ATP11C: variants seen among roughly 807,000 people sequenced by gnomAD.
ATP11C encodes phospholipid-transporting ATPase IG.
A neutral mutation model predicts 97.4 loss-of-function variants in ATP11C; 36 were observed. That is an observed-to-expected ratio of 0.37 (90% CI 0.28 to 0.49). The LOEUF (loss-of-function observed/expected upper bound fraction) is 0.49. ATP11C is among the 20% of genes least tolerant of loss of function. The pLI, the probability that ATP11C is intolerant of heterozygous loss-of-function variation, is 0.98. For missense variants in ATP11C, 730 were observed against 824.6 expected (o/e 0.89, Z 1.40); for synonymous variants, 275 against 290.9 (o/e 0.95, Z 0.56).
intron 23 of ATP11C, among the ~76,000 whole-genome samples, chrX:139,751,209 G>T (rs2081807795): frequency 8.9e-6 from 1 of 111,741 alleles, no homozygotes; most frequent in East Asian, 2.8e-4. Context: ...CAAGTACTAG[G>T]GACAGAGACG....
chrX:139,825,162 C>T (rs975252592), intron 2 of ATP11C, among the ~76,000 whole-genome samples: 16 of 110,777 alleles, frequency 1.4e-4, no homozygotes, highest in African/African-American at 4.3e-4. Context: ...TTTGAGTTGT[C>T]GCCCCATGCC....
intron 2 of ATP11C, among the ~76,000 whole-genome samples, chrX:139,823,015 G>A (rs371084637): frequency 1.8e-5 from 2 of 110,003 alleles, no homozygotes; most frequent in African/African-American, 3.3e-5. Context: ...TCCGGAGTTC[G>A]AGACCAGCCT....
chrX:139,935,510 G>T (rs1377884404), upstream of ATP11C, among the ~76,000 whole-genome samples: 1 of 111,520 alleles, frequency 9.0e-6, no homozygotes, highest in Non-Finnish European at 1.9e-5. Context: ...GGTGTAGGTT[G>T]CAGTGAGCCG....
intron 1 of ATP11C, among the ~76,000 whole-genome samples, chrX:139,841,638 T>C (rs924405595): frequency 8.0e-5 from 9 of 112,301 alleles, no homozygotes; most frequent in Non-Finnish European, 1.7e-4. Flanking sequence ...GCTTTTGCCA[T>C]CCCCATGCTG....
intron 1 of ATP11C, among the ~76,000 whole-genome samples, chrX:139,862,749 T>TC (rs2084222896): frequency 9.0e-6 from 1 of 111,469 alleles, no homozygotes; most frequent in Non-Finnish European, 1.9e-5. Context: ...AGAGTACAAA[T>TC]CCAAATTGGC....
intron 1 of ATP11C, among the ~76,000 whole-genome samples, chrX:139,922,379 T>C: frequency 9.5e-6 from 1 of 104,769 alleles, no homozygotes; most frequent in Non-Finnish European, 1.9e-5. Context: ...AAGCCACCTG[T>C]TTTTAGCATC....
chrX:139,846,863 A>G (rs2083916396), intron 1 of ATP11C, among the ~76,000 whole-genome samples: 1 of 109,086 alleles, frequency 9.2e-6, no homozygotes, highest in South Asian at 4.1e-4. Context: ...GGTTGGTGGA[A>G]GCGACTGACC....
intron 19 of ATP11C, among the ~76,000 whole-genome samples, chrX:139,773,546 A>G (rs753038813): frequency 1.8e-5 from 2 of 112,475 alleles, no homozygotes; most frequent in Non-Finnish European, 3.8e-5. Flanking sequence ...TGGCAGCCCA[A>G]GCAGACTAAG....
At position 139,922,659 on chromosome X, in the gene ATP11C, C is replaced by T. The variant is rs191125680; in HGVS notation, c.27+9357G>A. Among the ~76,000 whole-genome samples the T allele has an allele frequency of 2.0e-4, 22 of 111,065 alleles. No individual in the cohort carries two copies. In the Admixed American group the frequency reaches 2.1e-3, roughly 11 times the overall value. ...GAAGATACAATAAGTCACCAGTCTG[C>T]GACGTGAAGCCCCCTCACCAGTACC... On this transcript the variant is annotated intron_variant, in intron 1 of 29. Transcript: ENST00000682941.
rs73634073 is a variant in ATP11C, at chrX:139,881,141, A to G, written c.27+50875T>C. Among the ~76,000 whole-genome samples the G allele has an allele frequency of 4.8e-3, 535 of 112,082 alleles. 5 individuals carry two copies. The highest frequency in any genetic ancestry group is 0.016 in the African/African-American group (495 of 30,882). On this transcript the variant is annotated intron_variant, in intron 1 of 29. Transcript: ENST00000682941. ...TGAGCACTTACTCTATGCCAGGCAC[A>G]GTCTAAGCCTTCAGCATCCATTATC...
At chrX:139,792,024 AT>A (rs2082700540) in intron 12 of ATP11C, among the ~76,000 whole-genome samples, 1 of 110,704 alleles carries the variant, frequency 9.0e-6, no homozygotes, top group Non-Finnish European at 1.9e-5. Context: ...GGGCCCCTAG[AT>A]AGCTTCAGGA....
intron 1 of ATP11C, among the ~76,000 whole-genome samples, chrX:139,863,890 C>T (rs138061582): frequency 7.3e-5 from 8 of 110,321 alleles, no homozygotes; most frequent in Admixed American, 2.9e-4. Context: ...ATCAAAACCT[C>T]GTCACTATAA....
At chrX:139,848,660 C>G (rs952670484) in intron 1 of ATP11C, among the ~76,000 whole-genome samples, 1 of 110,354 alleles carries the variant, frequency 9.1e-6, no homozygotes, top group African/African-American at 3.3e-5. Flanking sequence ...GCACTGCACT[C>G]AGCTAAAGAC....
intron 1 of ATP11C, among the ~76,000 whole-genome samples, chrX:139,857,783 T>G (rs1025850058): frequency 1.9e-5 from 2 of 108,034 alleles, no homozygotes; most frequent in Non-Finnish European, 3.8e-5. Flanking sequence ...AAAAGAAAAT[T>G]TTTAAATTAA....
chrX:139,913,839 C>T (rs1281384963), intron 1 of ATP11C, among the ~76,000 whole-genome samples: 1 of 111,536 alleles, frequency 9.0e-6, no homozygotes, highest in East Asian at 2.8e-4. Flanking sequence ...CACACGGACG[C>T]GAGTGAAACA....
At chrX:139,738,202 G>T in intron 27 of ATP11C, 133 bp from the exon 28 acceptor site, 1 of 444,993 alleles carries the variant, frequency 2.2e-6, no homozygotes, top group Non-Finnish European at 3.4e-6. Context: ...ATTTTCTCTA[G>T]AATATCCCAA....
intron 1 of ATP11C, chrX:139,832,349 G>A (rs1253500913): frequency 9.5e-7 from 1 of 1,053,413 alleles, no homozygotes; most frequent in Non-Finnish European, 1.2e-6. Context: ...TACTTCCATG[G>A]GAGGCAGCAA....
intron 1 of ATP11C, among the ~76,000 whole-genome samples, chrX:139,920,296 G>A (rs2085236453): frequency 9.4e-6 from 1 of 106,821 alleles, no homozygotes; most frequent in Non-Finnish European, 1.9e-5. Flanking sequence ...GGCACAGGTT[G>A]CAGTGAGCCG....
intron 2 of ATP11C, among the ~76,000 whole-genome samples, chrX:139,819,631 T>G (rs972938022): frequency 8.9e-6 from 1 of 112,504 alleles, no homozygotes; most frequent in Non-Finnish European, 1.9e-5. Flanking sequence ...AAGCTTTCAT[T>G]CTACGCATTA....
Sources: gnomAD v4.1 joint callset for allele counts (sites outside exome capture counted in the v4.1 genomes callset) on GRCh38, gnomAD v4.1.1 for gene constraint, MANE v1.5 for transcripts, NCBI Gene and HGNC (gene_info 2026-07-23, HGNC 2026-07-21) for gene names.